Variants in NAMPT observed in about 807,000 individuals in gnomAD.
NAMPT encodes the protein NAmPRTase.
A neutral mutation model predicts 58.7 loss-of-function variants in NAMPT; 7 were observed. The ratio of observed to expected loss-of-function variants is 0.12; its 90% confidence interval spans 0.07 to 0.22. NAMPT has a LOEUF of 0.22. Ranked by LOEUF, NAMPT falls within the 10% of genes least tolerant of loss-of-function variation. The probability of loss-of-function intolerance (pLI) is 1.00; values close to 1 mark genes in which losing one functional copy is unlikely to be tolerated. For missense variants in NAMPT, 271 were observed against 567.9 expected, an observed-to-expected ratio of 0.48 and a Z score of 5.31; for synonymous variants, 145 against 198.1, an observed-to-expected ratio of 0.73 and a Z score of 2.25.
At chr7:106,270,166 GAA>G (rs1194801971) in intron 4 of NAMPT, 1 of 219,096 alleles carries the variant, frequency 4.6e-6, no homozygotes, top group African/African-American at 2.4e-5. Flanking sequence ...AAGCTCCACA[GAA>G]AAGTCTGTCT....
chr7:106,249,793 AG>A lies in NAMPT; in HGVS notation c.*1289del, dbSNP rs1214409623. 1 of 151,976 alleles carries A rather than the reference AG, an allele frequency of 6.6e-6. No homozygotes were observed. The highest frequency in any genetic ancestry group is 1.5e-5 in the Non-Finnish European group (1 of 67,918). The allele number at this position is 151,976 out of a possible 1,614,324, so 9.4% of individuals were successfully genotyped here. On this transcript the variant is annotated 3_prime_UTR_variant, in exon 11 of 11. Transcript: ENST00000222553. ...TGGCCAACCGCTGCCTCAGAAGAACAGATCTACATACATAAAAGAATCATTC... is the reference window on the plus strand; with the variant it reads ...TGGCCAACCGCTGCCTCAGAAGAACAATCTACATACATAAAAGAATCATTC...
chr7:106,255,456 C>A (rs565183600), intron 8 of NAMPT, among the ~76,000 whole-genome samples: 3 of 152,274 alleles, frequency 2.0e-5, no homozygotes, highest in East Asian at 3.9e-4. Context: ...ATCAAAGTTA[C>A]CACATTCTCA....
chr7:106,249,951 C>A lies in NAMPT; in HGVS notation c.*1132G>T, dbSNP rs1018326037. ...TTCTTCTATTGAAACACATGTCATG[C>A]TTTTCATTGGAGATAATTTATCTTC... On this transcript the variant is annotated 3_prime_UTR_variant, in exon 11 of 11. Coordinates refer to ENST00000222553, the MANE Select transcript of NAMPT (RefSeq NM_005746.3). 6.6e-6 allele frequency: 1 copy of A among 152,014 alleles called. No individual in the cohort carries two copies. Among genetic ancestry groups the A allele is most frequent in the Non-Finnish European group, 1.5e-5 (1 of 67,934 alleles). The allele number at this position is 152,014 out of a possible 1,614,324, so 9.4% of individuals were successfully genotyped here.
chr7:106,255,866 G>C (rs1401594005), intron 8 of NAMPT, among the ~76,000 whole-genome samples: 1 of 152,028 alleles, frequency 6.6e-6, no homozygotes, highest in African/African-American at 2.4e-5. Flanking sequence ...GTAGATGGAG[G>C]GTAAGGTAAA....
chr7:106,282,422 C>G (rs925714189), intron 1 of NAMPT, among the ~76,000 whole-genome samples: 2 of 152,168 alleles, frequency 1.3e-5, no homozygotes, highest in Non-Finnish European at 2.9e-5. Flanking sequence ...AACCAGCTTA[C>G]AGATGACCCT....
intron 4 of NAMPT, 70 bp from the exon 5 acceptor site, chr7:106,269,382 C>CT (rs35479106): frequency 0.25 from 287,418 of 1,129,318 alleles, 5,364 homozygotes; most frequent in East Asian, 0.39. Flanking sequence ...AAAATCCTAG[C>CT]TTTTTTTTTT....
intron 7 of NAMPT, among the ~76,000 whole-genome samples, chr7:106,262,240 T>C (rs985021582): frequency 2.0e-5 from 3 of 152,108 alleles, no homozygotes; most frequent in African/African-American, 7.2e-5. Flanking sequence ...AAAGCCAAAC[T>C]GCACAATACA....
intron 1 of NAMPT, among the ~76,000 whole-genome samples, chr7:106,279,982 A>G (rs928621592): frequency 6.6e-6 from 1 of 152,148 alleles, no homozygotes; most frequent in Non-Finnish European, 1.5e-5. Context: ...AGAACACGAT[A>G]AGGTCAGAGG....
In NAMPT at chr7:106,251,020, C is replaced by T; in HGVS notation, c.*63G>A. 1 of 1,249,786 alleles carries T rather than the reference C, an allele frequency of 8.0e-7. No homozygotes were observed. Among genetic ancestry groups the T allele is most frequent in the East Asian group, 2.4e-5 (1 of 42,478 alleles). 77.4% of individuals were successfully genotyped at this position (1,249,786 alleles called of 1,614,324 possible). On this transcript the variant is annotated 3_prime_UTR_variant, in exon 11 of 11. Coordinates refer to ENST00000222553, the MANE Select transcript of NAMPT (RefSeq NM_005746.3). ...TGTAATGTATCATAAAACACAAACC[C>T]CACACATCTGTACAATAAACATTAT...
chr7:106,278,499 T>C (rs1792695274), intron 1 of NAMPT, among the ~76,000 whole-genome samples: 1 of 152,182 alleles, frequency 6.6e-6, no homozygotes, highest in Non-Finnish European at 1.5e-5. Flanking sequence ...TAGAAGTATA[T>C]GTCAGGGCTT....
At chr7:106,262,291 A>G (rs1562814215) in intron 7 of NAMPT, among the ~76,000 whole-genome samples, 1 of 152,106 alleles carries the variant, frequency 6.6e-6, no homozygotes, top group African/African-American at 2.4e-5. Flanking sequence ...AAAGTTTTGT[A>G]CACCAAATTA....
chr7:106,261,584 A>G lies in NAMPT; in HGVS notation c.1089+4T>C, dbSNP rs755728641. The G allele has an allele frequency of 5.8e-6, 9 of 1,556,400 alleles. No individual in the cohort carries two copies. In the Admixed American group the frequency reaches 1.6e-4, roughly 27 times the overall value. On this transcript the variant is annotated splice_donor_region_variant and intron_variant, in intron 8 of 10. Coordinates refer to ENST00000222553, the MANE Select transcript of NAMPT (RefSeq NM_005746.3). The stretch of plus-strand genomic sequence containing the variant: ...TATTGAAACTTTTAATATAAAACAC[A>G]TACCTCTTGTAAGGTATTAATATCT...
At chr7:106,278,416 G>A (rs117310079) in intron 1 of NAMPT, among the ~76,000 whole-genome samples, 5,290 of 152,144 alleles carry the variant, frequency 0.035, 144 homozygotes, top group Non-Finnish European at 0.053. Flanking sequence ...TCAAGCAGGA[G>A]ACTTGGAGCT....
chr7:106,277,672 C>T (rs1444730266), intron 1 of NAMPT, among the ~76,000 whole-genome samples: 2 of 152,118 alleles, frequency 1.3e-5, no homozygotes, highest in African/African-American at 2.4e-5. Flanking sequence ...CTATGAAAAC[C>T]TGGATGACAG....
chr7:106,277,433 G>A (rs190154300), intron 1 of NAMPT, among the ~76,000 whole-genome samples: 1 of 152,274 alleles, frequency 6.6e-6, no homozygotes, highest in East Asian at 1.9e-4. Flanking sequence ...CTCTAGGTTG[G>A]AAAAGTATTT....
At chr7:106,284,558 A>C (rs1474283062) in intron 1 of NAMPT, 9 of 171,432 alleles carry the variant, frequency 5.2e-5, no homozygotes, top group Non-Finnish European at 8.1e-5. Context: ...GGCCCGCCTC[A>C]GCCCCCCGCC....
At chr7:106,277,836 T>C (rs1441613871) in intron 1 of NAMPT, among the ~76,000 whole-genome samples, 1 of 152,202 alleles carries the variant, frequency 6.6e-6, no homozygotes, top group Non-Finnish European at 1.5e-5. Flanking sequence ...TTAGCACAAA[T>C]TTCTTTTCCA....
chr7:106,283,573 A>G lies in NAMPT; in HGVS notation c.57+1255T>C, dbSNP rs573462600. ...GATTGAACCAAGAGAACACAAGAGG[A>G]GGTTTTAGGACCAAGTAAAGGACCA... On this transcript the variant is annotated intron_variant, in intron 1 of 10. Coordinates refer to ENST00000222553, the MANE Select transcript of NAMPT (RefSeq NM_005746.3). 1.6e-4 allele frequency among the ~76,000 whole-genome samples: 24 copies of G among 152,314 alleles called. 1 individual carries two copies. The highest frequency in any genetic ancestry group is 4.8e-4 in the African/African-American group (20 of 41,582).
chr7:106,273,082 A>G (rs557364886), intron 3 of NAMPT, among the ~76,000 whole-genome samples: 1 of 152,330 alleles, frequency 6.6e-6, no homozygotes, highest in Non-Finnish European at 1.5e-5. Context: ...GCAGATTGAA[A>G]GATAAAGGAT....
Sources: gnomAD v4.1 joint callset for allele counts (sites outside exome capture counted in the v4.1 genomes callset) on GRCh38, gnomAD v4.1.1 for gene constraint, MANE v1.5 for transcripts, NCBI Gene and HGNC (gene_info 2026-07-23, HGNC 2026-07-21) for gene names.